Variants in TNIP3 observed in about 807,000 individuals in gnomAD.
TNIP3 encodes the protein TNFAIP3-interacting protein 3.
In TNIP3, 34 loss-of-function variants were observed where a neutral mutation model predicts 54.1. The observed-to-expected ratio is 0.63, with a 90% CI of 0.48 to 0.84. The LOEUF is 0.84. Among genes scored for constraint, TNIP3 ranks in the 40% least tolerant of loss-of-function variants. The probability of loss-of-function intolerance (pLI) is 0.00; values close to 1 mark genes in which losing one functional copy is unlikely to be tolerated. For synonymous variants in TNIP3, 134 were observed against 136.8 expected (o/e 0.98, Z 0.14); for missense variants, 366 against 387.6 (o/e 0.94, Z 0.47).
chr4:121,219,494 A>G (rs924619556), upstream of TNIP3, among the ~76,000 whole-genome samples: 1 of 152,222 alleles, frequency 6.6e-6, no homozygotes, highest in African/African-American at 2.4e-5. Flanking sequence ...AAGTTTACAC[A>G]ATCCATAGTT....
At chr4:121,179,024 G>A (rs1436069492) in intron 3 of TNIP3, among the ~76,000 whole-genome samples, 3 of 152,326 alleles carry the variant, frequency 2.0e-5, no homozygotes, top group East Asian at 3.9e-4. Flanking sequence ...TGGGACTAGA[G>A]AGGGTGAAAA....
intron 10 of TNIP3, among the ~76,000 whole-genome samples, chr4:121,136,846 A>T (rs1728813722): frequency 6.8e-6 from 1 of 146,216 alleles, no homozygotes; most frequent in Non-Finnish European, 1.5e-5. Context: ...TGACAGAGTA[A>T]GACTGTCTCC....
At chr4:121,180,714 A>T (rs935703272) in intron 3 of TNIP3, among the ~76,000 whole-genome samples, 1 of 152,104 alleles carries the variant, frequency 6.6e-6, no homozygotes, top group African/African-American at 2.4e-5. Context: ...GAGATTAGAG[A>T]TACAGGAACC....
chr4:121,199,602 T>G, intron 2 of TNIP3, among the ~76,000 whole-genome samples: 1 of 152,176 alleles, frequency 6.6e-6, no homozygotes, highest in East Asian at 1.9e-4. Flanking sequence ...GAATTGATCT[T>G]TATCTCCCAC....
At position 121,132,582 on chromosome 4, in the gene TNIP3, C is replaced by CA; in HGVS notation, c.*48dup. 6.3e-7 allele frequency: 1 copy of CA among 1,580,744 alleles called. No individual in the cohort carries two copies. Among genetic ancestry groups the CA allele is most frequent in the South Asian group, 1.1e-5 (1 of 89,728 alleles). ...CAGTATAAACAAAGAAGAGGGTCCT[C>CA]AGCCACGCTCCCTCGTTGCCTGTTG... is the stretch of plus-strand genomic sequence containing the variant. On this transcript the variant is annotated 3_prime_UTR_variant, in exon 11 of 11. Transcript: ENST00000057513.
rs146792866 is a variant in TNIP3 at position 121,189,673 on chromosome 4, T to C, written c.69-6877A>G. On this transcript the variant is annotated intron_variant, in intron 2 of 12. Transcript: ENST00000507879. ...GGGTTTGCTGAGAGAATTTTGAAAGTAACATTTTCCTCGGACAAGAAGGAA... is the reference window on the plus strand; with the variant it reads ...GGGTTTGCTGAGAGAATTTTGAAAGCAACATTTTCCTCGGACAAGAAGGAA... Among the ~76,000 whole-genome samples, 5 of 152,324 alleles carry C rather than the reference T, an allele frequency of 3.3e-5. No individual in the cohort carries two copies. The East Asian group carries it at 9.6e-4, about 29-fold the overall frequency.
At position 121,164,180 on chromosome 4, in the gene TNIP3, C is replaced by T. The variant is rs780691072; in HGVS notation, c.-55G>A. 11 of 1,612,308 alleles carry T rather than the reference C, an allele frequency of 6.8e-6. No homozygotes were observed. The highest frequency in any genetic ancestry group is 4.5e-5 in the East Asian group (2 of 44,836). ...GCAGAAAGAAAAACAGGGGAAAAGT[C>T]TCTTAAGGTATATTTTAGGGTGAGA... On this transcript the variant is annotated 5_prime_UTR_variant, in exon 1 of 11. Transcript: ENST00000057513.
chr4:121,147,326 C>G (rs1311324240), intron 6 of TNIP3, 152 bp from the exon 7 acceptor site: 29 of 888,846 alleles, frequency 3.3e-5, no homozygotes, highest in Non-Finnish European at 4.2e-5. Context: ...AGTCATCCAT[C>G]CCTAACACAA....
chr4:121,175,469 C>T (rs1274974793), intron 3 of TNIP3, among the ~76,000 whole-genome samples: 1 of 152,178 alleles, frequency 6.6e-6, no homozygotes, highest in African/African-American at 2.4e-5. Context: ...CCAGTGTTGT[C>T]GTCTGCTCCC....
At chr4:121,192,093 T>C (rs1023411612) in intron 2 of TNIP3, among the ~76,000 whole-genome samples, 3 of 152,198 alleles carry the variant, frequency 2.0e-5, no homozygotes, top group African/African-American at 7.2e-5. Flanking sequence ...TTCACATCTA[T>C]ATTGGAATTT....
At chr4:121,180,387 G>A (rs1404938079) in intron 3 of TNIP3, among the ~76,000 whole-genome samples, 2 of 151,902 alleles carry the variant, frequency 1.3e-5, no homozygotes, top group African/African-American at 2.4e-5. Context: ...GCGACAGAGC[G>A]AGACTCCGCC....
rs200857550 is a variant in TNIP3, at chr4:121,150,385, AT to A, written c.493-167del. ...TTCTTTCTGATTTTCTCATATATGT[AT>A]TTTTTTTTTCAGAATCTCTGTCTTT... On this transcript the variant is annotated intron_variant, in intron 5 of 10. Coordinates refer to ENST00000057513, the MANE Select transcript of TNIP3 (RefSeq NM_024873.6). Among the ~76,000 whole-genome samples the A allele has an allele frequency of 5.3e-3, 799 of 149,690 alleles. 6 individuals carry two copies. Among genetic ancestry groups the A allele is most frequent in the African/African-American group, 0.017 (681 of 40,758 alleles).
chr4:121,156,943 G>C, intron 4 of TNIP3, 151 bp downstream of exon 4: 1 of 894,280 alleles, frequency 1.1e-6, no homozygotes, highest in Non-Finnish European at 1.7e-6. Context: ...CATGGCTCTT[G>C]GGGACTTGCG....
chr4:121,213,984 G>T (rs1726636731), intron 2 of TNIP3, among the ~76,000 whole-genome samples: 2 of 152,114 alleles, frequency 1.3e-5, no homozygotes, highest in Non-Finnish European at 2.9e-5. Flanking sequence ...ACAATCAAAA[G>T]TATTCCTTCC....
intron 7 of TNIP3, among the ~76,000 whole-genome samples, chr4:121,144,201 G>A (rs62321466): frequency 0.021 from 3,270 of 152,170 alleles, 46 homozygotes; most frequent in Non-Finnish European, 0.033. Flanking sequence ...ACCAGTTTTC[G>A]TTTTCTCACA....
intron 10 of TNIP3, 30 bp downstream of exon 10, chr4:121,138,593 GA>G: frequency 6.2e-7 from 1 of 1,602,756 alleles, no homozygotes; most frequent in Non-Finnish European, 8.5e-7. Context: ...ATGTAAACAT[GA>G]AAGAATGCTC....
intron 2 of TNIP3, among the ~76,000 whole-genome samples, chr4:121,196,594 A>G (rs942761920): frequency 1.3e-5 from 2 of 152,088 alleles, no homozygotes; most frequent in African/African-American, 4.8e-5. Flanking sequence ...CTGAGATATA[A>G]AGTATATACA....
chr4:121,194,859 A>AC (rs35965824), intron 2 of TNIP3, among the ~76,000 whole-genome samples: 45,186 of 151,498 alleles, frequency 0.3, 7,431 homozygotes, highest in African/African-American at 0.43. Flanking sequence ...GAAAAAAAAA[A>AC]GTACACACAC....
intron 8 of TNIP3, 61 bp downstream of exon 8, chr4:121,142,665 G>A (rs1402844282): frequency 2.1e-6 from 3 of 1,453,876 alleles, no homozygotes; most frequent in Admixed American, 3.5e-5. Context: ...GTCTTTAATT[G>A]GGACAATGAG....
Sources: allele counts gnomAD v4.1 joint callset (sites outside exome capture counted in the v4.1 genomes callset), GRCh38; gene constraint gnomAD v4.1.1; transcripts MANE v1.5; gene names NCBI Gene and HGNC (gene_info 2026-07-23, HGNC 2026-07-21).